Variants in TNRC6B observed in about 807,000 individuals in gnomAD.
The protein encoded by TNRC6B is trinucleotide repeat containing adaptor 6B, also known as trinucleotide repeat-containing gene 6B protein.
In TNRC6B, 52 loss-of-function variants were observed where a neutral mutation model predicts 203.6. The observed-to-expected ratio is 0.26, with a 90% CI of 0.20 to 0.32. The LOEUF (loss-of-function observed/expected upper bound fraction) is 0.32. Ranked by LOEUF, TNRC6B falls within the 10% of genes least tolerant of loss-of-function variation. The pLI is 1.00. For synonymous variants in TNRC6B, 838 were observed against 845.7 expected (o/e 0.99, Z 0.16); for missense variants, 1,923 against 2,286.2 (o/e 0.84, Z 3.24).
intron 4 of TNRC6B, among the ~76,000 whole-genome samples, chr22:40,163,580 T>C (rs901329040): frequency 6.7e-6 from 1 of 148,554 alleles, no homozygotes; most frequent in African/African-American, 2.5e-5. Flanking sequence ...CTGGCCAACA[T>C]GGAGAAACCC....
At chr22:40,087,877 G>A (rs1231882774) in intron 1 of TNRC6B, among the ~76,000 whole-genome samples, 1 of 152,156 alleles carries the variant, frequency 6.6e-6, no homozygotes. Context: ...CGTTACAGAT[G>A]TACAGCGTTT....
chr22:40,220,466 G>A (rs1270614807), intron 1 of TNRC6B, among the ~76,000 whole-genome samples: 2 of 151,490 alleles, frequency 1.3e-5, no homozygotes, highest in Non-Finnish European at 2.9e-5. Context: ...TTAGATGGGA[G>A]ATTGGTGGGG....
Position 40,266,060 on chromosome 22 carries a change from A to G in TNRC6B, c.1830A>G (p.Arg610=). The G allele has an allele frequency of 6.2e-7, 1 of 1,613,764 alleles. No homozygotes were observed. Among genetic ancestry groups the G allele is most frequent in the Non-Finnish European group, 8.5e-7 (1 of 1,179,904 alleles). ...CTGTCTTGCAGACTCTTTTGAGCCGAACTGATTTGGACCCCAGGGTGCTCT... is the reference window on the plus strand; with the variant it reads ...CTGTCTTGCAGACTCTTTTGAGCCGGACTGATTTGGACCCCAGGGTGCTCT... The part of the protein sequence containing the change: ...CQAVLQTLLS[R]TDLDPRVLSN... Residue 610 remains arginine, a synonymous_variant, in exon 5 of 23, where the codon CGA becomes CGG. Transcript: ENST00000454349.
At chr22:40,252,256 C>G (rs1437412195) in intron 3 of TNRC6B, among the ~76,000 whole-genome samples, 1 of 152,130 alleles carries the variant, frequency 6.6e-6, no homozygotes, top group East Asian at 1.9e-4. Context: ...AGGCCATGGC[C>G]CTAGCAGATG....
At chr22:40,149,253 C>T (rs775718021) in intron 3 of TNRC6B, among the ~76,000 whole-genome samples, 1 of 152,106 alleles carries the variant, frequency 6.6e-6, no homozygotes, top group Non-Finnish European at 1.5e-5. Flanking sequence ...TAAAAGAAGC[C>T]AGACAGAAAA....
intron 12 of TNRC6B, among the ~76,000 whole-genome samples, chr22:40,299,234 TAA>T (rs1283493833): frequency 6.7e-6 from 1 of 148,306 alleles, no homozygotes; most frequent in Non-Finnish European, 1.5e-5. Flanking sequence ...CCTCTAGAAC[TAA>T]AGTCTTTTTT....
intron 1 of TNRC6B, among the ~76,000 whole-genome samples, chr22:40,105,783 T>C (rs1248244088): frequency 6.6e-6 from 1 of 152,204 alleles, no homozygotes; most frequent in Admixed American, 6.5e-5. Context: ...CTGCTGGGTA[T>C]GTACCTAGGA....
rs772225670 is a variant in TNRC6B at position 40,313,004 on chromosome 22, G to C, written c.4678+7G>C. On this transcript the variant is annotated splice_region_variant and intron_variant, in intron 19 of 22. Transcript: ENST00000454349. ...AACGTTCATAGCACTTCAGGTATGA[G>C]TGTGAATTTTTTGTTTCCCTTTGGT... is the stretch of plus-strand genomic sequence containing the variant. 16 of 1,609,782 alleles carry C rather than the reference G, an allele frequency of 9.9e-6. 1 individual carries two copies. The South Asian group carries it at 1.5e-4, about 16-fold the overall frequency.
In TNRC6B at chr22:40,323,124, C is replaced by G. The variant is rs772394976; in HGVS notation, c.5385C>G (p.Pro1795=). ...TTGCTGGCGCTTCATTGTGGGGGCC[C>G]CCAAACTATTCTTCTAGCTTATGGG... The part of the protein sequence containing the change: ...ADLAGASLWG[P]PNYSSSLWGV... The change falls in exon 23 of 23, where the codon CCC becomes CCG. Residue 1795 remains proline, a synonymous_variant. Transcript: ENST00000454349. 1.2e-6 allele frequency: 2 copies of G among 1,613,276 alleles called. No individual in the cohort carries two copies. The highest frequency in any genetic ancestry group is 4.5e-5 in the East Asian group (2 of 44,874).
intron 1 of TNRC6B, among the ~76,000 whole-genome samples, chr22:40,072,550 A>G (rs17001612): frequency 0.044 from 6,691 of 152,178 alleles, 441 homozygotes; most frequent in African/African-American, 0.14. Context: ...ACAAACTTTT[A>G]TTGAGCACTA....
intron 12 of TNRC6B, among the ~76,000 whole-genome samples, chr22:40,297,651 G>A (rs1375442638): frequency 2.6e-5 from 4 of 152,000 alleles, no homozygotes; most frequent in African/African-American, 7.3e-5. Flanking sequence ...GTAAAACCCC[G>A]TCTCTACTAA....
Position 40,251,209 on chromosome 22 carries a change from T to A in TNRC6B, c.115+9T>A. 6.6e-7 allele frequency: 1 copy of A among 1,518,818 alleles called. No homozygotes were observed. The highest frequency in any genetic ancestry group is 8.9e-7 in the Non-Finnish European group (1 of 1,126,840). 94.1% of individuals were successfully genotyped at this position (1,518,818 alleles called of 1,614,324 possible). ...GGAACAAAAAACCAAAGGTAAGATC[T>A]TTTTTTTCTTTTTAAATTATTTAGA... On this transcript the variant is annotated intron_variant, in intron 3 of 22. Coordinates refer to ENST00000454349, the MANE Select transcript of TNRC6B (RefSeq NM_001162501.2).
upstream of TNRC6B, among the ~76,000 whole-genome samples, chr22:40,177,075 G>A (rs2069069927): frequency 6.6e-6 from 1 of 152,186 alleles, no homozygotes; most frequent in African/African-American, 2.4e-5. Context: ...TGCAAACCGA[G>A]CTTGGGTTTC....
chr22:40,049,938 T>C (rs2067731345), intron 1 of TNRC6B, among the ~76,000 whole-genome samples: 1 of 152,232 alleles, frequency 6.6e-6, no homozygotes, highest in East Asian at 1.9e-4. Flanking sequence ...CTCAGTATGT[T>C]GAAAGTCAAG....
At chr22:40,122,764 T>G (rs2068457114) in intron 2 of TNRC6B, among the ~76,000 whole-genome samples, 1 of 152,338 alleles carries the variant, frequency 6.6e-6, no homozygotes, top group East Asian at 1.9e-4. Context: ...GAGTAGAGAA[T>G]GTCTTGTGAG....
intron 1 of TNRC6B, among the ~76,000 whole-genome samples, chr22:40,230,443 A>G (rs939493416): frequency 1.3e-5 from 2 of 151,648 alleles, no homozygotes; most frequent in African/African-American, 4.8e-5. Flanking sequence ...GGCATGCACC[A>G]CTACCATTCG....
intron 3 of TNRC6B, among the ~76,000 whole-genome samples, chr22:40,260,381 GA>G (rs2070360827): frequency 6.6e-6 from 1 of 152,154 alleles, no homozygotes; most frequent in African/African-American, 2.4e-5. Context: ...AAGGAAGAAA[GA>G]AAAGATGAAA....
At chr22:40,198,101 C>T (rs920474735) in intron 1 of TNRC6B, among the ~76,000 whole-genome samples, 3 of 152,034 alleles carry the variant, frequency 2.0e-5, no homozygotes, top group South Asian at 2.1e-4. Context: ...AAAGCTATAA[C>T]GAAGAAAATA....
intron 1 of TNRC6B, among the ~76,000 whole-genome samples, chr22:40,212,403 A>G (rs900275795): frequency 6.6e-6 from 1 of 152,254 alleles, no homozygotes; most frequent in Non-Finnish European, 1.5e-5. Flanking sequence ...GCCTCTGTAC[A>G]TAGTGCTGTT....
Sources: allele counts gnomAD v4.1 joint callset (sites outside exome capture counted in the v4.1 genomes callset), GRCh38; gene constraint gnomAD v4.1.1; transcripts MANE v1.5; gene names NCBI Gene and HGNC (gene_info 2026-07-23, HGNC 2026-07-21).